NCOA1: variants seen among roughly 807,000 people sequenced by gnomAD.
NCOA1 encodes Hin-2 protein.
A neutral mutation model predicts 150.9 loss-of-function variants in NCOA1; 35 were observed. That is an observed-to-expected ratio of 0.23 (90% CI 0.18 to 0.31). The LOEUF (loss-of-function observed/expected upper bound fraction) is 0.31, where lower values mean the gene tolerates loss of function less well. NCOA1 is among the 10% of genes least tolerant of loss of function. NCOA1 has a pLI of 1.00. For synonymous variants in NCOA1, 590 were observed against 630.0 expected (o/e 0.94, Z 0.95); for missense variants, 1,491 against 1,749.3 (o/e 0.85, Z 2.63).
At chr2:24,724,904 C>CT (rs879602483) in intron 14 of NCOA1, among the ~76,000 whole-genome samples, 97 of 150,530 alleles carry the variant, frequency 6.4e-4, no homozygotes, top group Admixed American at 2.8e-3. Context: ...GATTATTTCC[C>CT]TTTTTTTTTG....
intron 3 of NCOA1, among the ~76,000 whole-genome samples, chr2:24,600,409 G>A (rs1483873327): frequency 3.3e-5 from 5 of 152,174 alleles, no homozygotes; most frequent in Non-Finnish European, 5.9e-5. Context: ...GTCTTGCCAT[G>A]TTGTCCAGGC....
intron 2 of NCOA1, among the ~76,000 whole-genome samples, chr2:24,578,463 C>T (rs1032320461): frequency 2.0e-5 from 3 of 152,036 alleles, no homozygotes; most frequent in Admixed American, 6.6e-5. Context: ...AAGTGGAAAA[C>T]ACAAATATGA....
At chr2:24,647,143 T>C (rs546785075) in intron 4 of NCOA1, among the ~76,000 whole-genome samples, 1 of 152,316 alleles carries the variant, frequency 6.6e-6, no homozygotes, top group Admixed American at 6.5e-5. Flanking sequence ...GTGGTATATT[T>C]TAATGTCACC....
chr2:24,731,773 A>G (rs1663028873), intron 17 of NCOA1, among the ~76,000 whole-genome samples: 1 of 152,232 alleles, frequency 6.6e-6, no homozygotes, highest in African/African-American at 2.4e-5. Flanking sequence ...AGAGGGCACC[A>G]GAATAAGAAA....
chr2:24,714,526 T>C (rs1269414108), intron 14 of NCOA1, among the ~76,000 whole-genome samples: 1 of 151,542 alleles, frequency 6.6e-6, no homozygotes, highest in Non-Finnish European at 1.5e-5. Context: ...ATAGAGCTGG[T>C]AGAGCTGAAA....
chr2:24,675,507 A>G (rs1032387637), intron 7 of NCOA1, among the ~76,000 whole-genome samples: 12 of 152,356 alleles, frequency 7.9e-5, no homozygotes, highest in South Asian at 6.2e-4. Flanking sequence ...TAAGAATCCC[A>G]TAAGGCTTTG....
chr2:24,765,895 A>ATTTTTTTTTTT (rs1665035659), intron 22 of NCOA1, among the ~76,000 whole-genome samples: 2 of 129,308 alleles, frequency 1.5e-5, no homozygotes, highest in East Asian at 2.3e-4. Flanking sequence ...TCAATAATAC[A>ATTTTTTTTTTT]CTTTTTTTTT....
At chr2:24,701,095 T>G (rs1170680065) in intron 11 of NCOA1, among the ~76,000 whole-genome samples, 1 of 152,182 alleles carries the variant, frequency 6.6e-6, no homozygotes, top group Non-Finnish European at 1.5e-5. Context: ...TCATGGGAAA[T>G]GTCAGGCTAT....
intron 7 of NCOA1, among the ~76,000 whole-genome samples, chr2:24,682,543 C>G (rs1288438321): frequency 1.3e-5 from 2 of 152,176 alleles, no homozygotes; most frequent in Admixed American, 1.3e-4. Flanking sequence ...CGTCTGCTGA[C>G]TCGCCTTGTA....
chr2:24,731,411 CAT>C (rs1474972667), intron 17 of NCOA1, among the ~76,000 whole-genome samples: 2 of 152,120 alleles, frequency 1.3e-5, no homozygotes, highest in Non-Finnish European at 2.9e-5. Context: ...TGAGACAAAA[CAT>C]GTAAAGCTTG....
chr2:24,665,323 T>C (rs1464187030), intron 5 of NCOA1, among the ~76,000 whole-genome samples: 2 of 152,222 alleles, frequency 1.3e-5, no homozygotes, highest in African/African-American at 4.8e-5. Context: ...TAATTATAAC[T>C]TGTGAATTCT....
At chr2:24,726,177 C>G (rs1674610954) in intron 14 of NCOA1, among the ~76,000 whole-genome samples, 2 of 152,100 alleles carry the variant, frequency 1.3e-5, no homozygotes, top group African/African-American at 4.8e-5. Context: ...GTTCCTGCCT[C>G]TGATAGAATG....
intron 3 of NCOA1, among the ~76,000 whole-genome samples, chr2:24,638,597 A>T (rs867897402): frequency 1.3e-5 from 2 of 152,262 alleles, no homozygotes. Context: ...ACTGGTTTAC[A>T]TTCCCACCAA....
At chr2:24,672,178 T>TA (rs915900793) in intron 6 of NCOA1, among the ~76,000 whole-genome samples, 9 of 151,896 alleles carry the variant, frequency 5.9e-5, no homozygotes, top group African/African-American at 1.7e-4. Context: ...AGTAAAAGTA[T>TA]AAAAAAATGC....
intron 1 of NCOA1, among the ~76,000 whole-genome samples, chr2:24,521,620 T>C (rs1223887568): frequency 6.6e-6 from 1 of 152,224 alleles, no homozygotes; most frequent in Admixed American, 6.5e-5. Flanking sequence ...AGTTTCTTTA[T>C]CTATTAGTCC....
chr2:24,751,474 C>T (rs1208111260), intron 19 of NCOA1, among the ~76,000 whole-genome samples: 2 of 151,256 alleles, frequency 1.3e-5, no homozygotes, highest in East Asian at 4.0e-4. Flanking sequence ...TCCCAGCTAC[C>T]TGAGAGGCTG....
At position 24,718,996 on chromosome 2, in the gene NCOA1, T is replaced by C. The variant is rs1252131694; in HGVS notation, c.2600-7593T>C. ...GTTAGCCGAGATCGCACCATTGCAT[T>C]CCAGCCTGTACTACAAAGTGAGACT... On this transcript the variant is annotated intron_variant, in intron 14 of 22. Coordinates refer to ENST00000348332, the MANE Select transcript of NCOA1 (RefSeq NM_003743.5). Among the ~76,000 whole-genome samples the C allele has an allele frequency of 3.4e-5, 4 of 118,984 alleles. No individual in the cohort carries two copies. The East Asian group carries it at 9.9e-4, about 29-fold the overall frequency. 78.1% of individuals were successfully genotyped at this position (118,984 alleles called of 152,430 possible). A position where few individuals can be genotyped will look rare whatever the true frequency, so the allele number is the denominator to read the frequency against.
chr2:24,618,912 CAG>C (rs1362411466), intron 3 of NCOA1, among the ~76,000 whole-genome samples: 1 of 152,116 alleles, frequency 6.6e-6, no homozygotes, highest in African/African-American at 2.4e-5. Flanking sequence ...TTCTTGCTTT[CAG>C]AGAGTTTGTA....
chr2:24,518,178 C>T (rs1344782914), intron 1 of NCOA1, among the ~76,000 whole-genome samples: 2 of 151,676 alleles, frequency 1.3e-5, no homozygotes, highest in Non-Finnish European at 2.9e-5. Context: ...ATTGGTTTAA[C>T]GTTAAAAAAT....
Sources: allele counts gnomAD v4.1 joint callset (sites outside exome capture counted in the v4.1 genomes callset), GRCh38; gene constraint gnomAD v4.1.1; transcripts MANE v1.5; gene names NCBI Gene and HGNC (gene_info 2026-07-23, HGNC 2026-07-21).